Variants in MMP26 observed in about 807,000 individuals in gnomAD.
MMP26 encodes matrix metalloproteinase-26.
In MMP26, 33 loss-of-function variants were observed where a neutral mutation model predicts 31.0. The ratio of observed to expected loss-of-function variants is 1.06; its 90% confidence interval spans 0.81 to 1.42. The LOEUF is 1.42. MMP26 is among the 40% of genes most tolerant of loss of function. MMP26 has a pLI of 0.00. For missense variants in MMP26, 347 were observed against 316.1 expected, an observed-to-expected ratio of 1.10 and a Z score of -0.74; for synonymous variants, 122 against 114.9, an observed-to-expected ratio of 1.06 and a Z score of -0.40.
At chr11:4,724,057 A>G in intron 1 of MMP26, 6 of 658,334 alleles carry the variant, frequency 9.1e-6, no homozygotes, top group South Asian at 8.4e-5. Context: ...ACCACTGGGG[A>G]AAAGCTTGAG....
intron 2 of MMP26, among the ~76,000 whole-genome samples, chr11:4,911,115 T>A (rs1335537872): frequency 6.6e-6 from 1 of 152,188 alleles, no homozygotes; most frequent in African/African-American, 2.4e-5. Flanking sequence ...TGGGTATTAC[T>A]GACTGCATTT....
At chr11:4,769,547 C>A (rs572940532) in intron 2 of MMP26, 24 of 1,612,986 alleles carry the variant, frequency 1.5e-5, no homozygotes, top group South Asian at 2.2e-5. Context: ...GGCCACATAA[C>A]GGTCAAAGGC....
chr11:4,834,812 G>A (rs748746191), intron 2 of MMP26, among the ~76,000 whole-genome samples: 2 of 152,112 alleles, frequency 1.3e-5, no homozygotes, highest in African/African-American at 4.8e-5. Flanking sequence ...GATTAAATAA[G>A]TTAATGTGTT....
intron 2 of MMP26, among the ~76,000 whole-genome samples, chr11:4,806,270 G>A (rs2133456796): frequency 6.6e-6 from 1 of 152,066 alleles, no homozygotes; most frequent in South Asian, 2.1e-4. Flanking sequence ...CAATTCCTGG[G>A]TATCCTTGTT....
chr11:4,849,210 G>A (rs1373828917), intron 2 of MMP26: 3 of 1,598,670 alleles, frequency 1.9e-6, no homozygotes, highest in South Asian at 2.2e-5. Context: ...TGTTGACATA[G>A]TTCAGGATTC....
At position 4,735,784 on chromosome 11, in the gene MMP26, A is replaced by G. The variant is rs1202036748; in HGVS notation, c.-217+30739A>G. 5.1e-4 allele frequency among the ~76,000 whole-genome samples: 43 copies of G among 84,646 alleles called. No individual in the cohort carries two copies. The South Asian group carries it at 0.014, about 28-fold the overall frequency. 55.5% of individuals were successfully genotyped at this position (84,646 alleles called of 152,430 possible). On this transcript the variant is annotated intron_variant, in intron 1 of 7. Transcript: ENST00000380390. Reference sequence around the variant, plus strand: ...AATAGTTCTAATTTAATCAAAAAGTAAAAAACACTTAATAATTTTATTAGT... The same window carrying G: ...AATAGTTCTAATTTAATCAAAAAGTGAAAAACACTTAATAATTTTATTAGT...
At chr11:4,823,177 T>G (rs1314256294) in intron 2 of MMP26, among the ~76,000 whole-genome samples, 6 of 152,168 alleles carry the variant, frequency 3.9e-5, no homozygotes, top group African/African-American at 1.4e-4. Flanking sequence ...TTATAGCTGG[T>G]TGTTGAGTCC....
At chr11:4,748,437 C>G (rs1271050653) in intron 1 of MMP26, among the ~76,000 whole-genome samples, 1 of 152,026 alleles carries the variant, frequency 6.6e-6, no homozygotes, top group African/African-American at 2.4e-5. Context: ...ACCCCTAACT[C>G]ATTTTATGCA....
At chr11:4,783,287 T>A (rs1215097799) in intron 2 of MMP26, among the ~76,000 whole-genome samples, 1 of 152,222 alleles carries the variant, frequency 6.6e-6, no homozygotes, top group African/African-American at 2.4e-5. Context: ...GTGACCCAGA[T>A]GGGAGACATA....
rs75948105 is a variant in MMP26 at position 4,716,553 on chromosome 11, G to A, written c.-217+11508G>A. On this transcript the variant is annotated intron_variant, in intron 1 of 7. Coordinates refer to ENST00000380390, the MANE Select transcript of MMP26 (RefSeq NM_021801.5). The stretch of plus-strand genomic sequence containing the variant: ...TTGTTTTTAATTATATTTAGATTGA[G>A]GGATAAATTGCATGTTTATATAGAT... Among the ~76,000 whole-genome samples, 383 of 150,644 alleles carry A rather than the reference G, an allele frequency of 2.5e-3. 3 individuals carry two copies. In the East Asian group the frequency reaches 0.033, roughly 13 times the overall value.
intron 2 of MMP26, chr11:4,871,938 T>C (rs188038927): frequency 1.3e-5 from 2 of 152,252 alleles, no homozygotes; most frequent in East Asian, 3.9e-4. Flanking sequence ...AATTGCCCCG[T>C]GACTAAATGT....
In MMP26 at chr11:4,773,005, T is replaced by C. The variant is rs181494503; in HGVS notation, c.-145+5664T>C. 2.5e-4 allele frequency among the ~76,000 whole-genome samples: 38 copies of C among 152,332 alleles called. No individual in the cohort carries two copies. The East Asian group carries it at 6.7e-3, about 27-fold the overall frequency. ...TCCCATCAACTGTTTTGACTAATACTTCCACGACAAAAATGAACTATAATC... is the reference window on the plus strand; with the variant it reads ...TCCCATCAACTGTTTTGACTAATACCTCCACGACAAAAATGAACTATAATC... On this transcript the variant is annotated intron_variant, in intron 2 of 7. Transcript: ENST00000380390.
intron 2 of MMP26, chr11:4,848,024 T>C: frequency 1.9e-6 from 1 of 533,112 alleles, no homozygotes; most frequent in South Asian, 3.1e-5. Flanking sequence ...ATGTCATTGA[T>C]ATGTAATGTA....
At chr11:4,788,509 A>T (rs908692799) in intron 2 of MMP26, among the ~76,000 whole-genome samples, 2 of 152,096 alleles carry the variant, frequency 1.3e-5, no homozygotes, top group African/African-American at 4.8e-5. Flanking sequence ...AAATTTGCCT[A>T]ATTTTCTATT....
At chr11:4,874,145 C>G (rs982204370) in intron 2 of MMP26, among the ~76,000 whole-genome samples, 1 of 152,060 alleles carries the variant, frequency 6.6e-6, no homozygotes, top group Non-Finnish European at 1.5e-5. Context: ...TATTCTACAA[C>G]AATTTTATCC....
At chr11:4,858,347 C>T (rs925104711) in intron 2 of MMP26, among the ~76,000 whole-genome samples, 1 of 152,204 alleles carries the variant, frequency 6.6e-6, no homozygotes, top group African/African-American at 2.4e-5. Flanking sequence ...AGCCCAAAAT[C>T]TCCTTAAGCT....
chr11:4,908,016 C>T, intron 2 of MMP26: 2 of 1,614,204 alleles, frequency 1.2e-6, no homozygotes, highest in South Asian at 1.1e-5. Context: ...ATTGTTTTGT[C>T]TTATGTGCTG....
intron 1 of MMP26, among the ~76,000 whole-genome samples, chr11:4,757,922 A>G (rs941148205): frequency 2.6e-5 from 4 of 152,198 alleles, no homozygotes; most frequent in African/African-American, 9.6e-5. Flanking sequence ...AAAATGATAC[A>G]GCCACTTTGA....
chr11:4,749,844 A>G (rs570578076), intron 1 of MMP26, among the ~76,000 whole-genome samples: 300 of 152,254 alleles, frequency 2.0e-3, no homozygotes, highest in African/African-American at 6.8e-3. Flanking sequence ...AAAAGCTAGG[A>G]AAAACTTTTA....
Sources: gnomAD v4.1 joint callset for allele counts (sites outside exome capture counted in the v4.1 genomes callset) on GRCh38, gnomAD v4.1.1 for gene constraint, MANE v1.5 for transcripts, NCBI Gene and HGNC (gene_info 2026-07-23, HGNC 2026-07-21) for gene names.